The following CAMK2A variants were observed in gnomAD, a reference collection of about 807,000 sequenced individuals.
The protein encoded by CAMK2A is calcium/calmodulin-dependent protein kinase type II subunit alpha.
CAMK2A carries 7 observed loss-of-function variants against 79.2 expected under a neutral mutation model. The observed-to-expected ratio is 0.09, with a 90% CI of 0.05 to 0.17. The LOEUF is 0.17. CAMK2A is among the 10% of genes least tolerant of loss of function. CAMK2A has a pLI of 1.00. For missense variants in CAMK2A, 214 were observed against 646.4 expected (o/e 0.33, Z 7.25); for synonymous variants, 242 against 251.7 (o/e 0.96, Z 0.36).
chr5:150,286,663 G>A (rs1444221103), intron 1 of CAMK2A, among the ~76,000 whole-genome samples: 1 of 152,232 alleles, frequency 6.6e-6, no homozygotes, highest in Non-Finnish European at 1.5e-5. Flanking sequence ...CAGTGTCCCA[G>A]CTGGCAGGGA....
Position 150,221,708 on chromosome 5 carries a change from GC to G in CAMK2A, c.*1001del, listed in dbSNP as rs1471332697. 1.8e-5 allele frequency: 7 copies of G among 392,036 alleles called. No individual in the cohort carries two copies. Among genetic ancestry groups the G allele is most frequent in the Admixed American group, 4.5e-5 (1 of 22,168 alleles). 24.3% of individuals were successfully genotyped at this position (392,036 alleles called of 1,614,324 possible). On this transcript the variant is annotated 3_prime_UTR_variant, in exon 19 of 19. Transcript: ENST00000671881. ...TCTCCCCGGAGCTGAGTCCACCTTG[GC>G]CCCAATAACCACAGGTGACAAGGTC...
chr5:150,231,448 AT>A, intron 15 of CAMK2A, 68 bp from the exon 16 acceptor site: 1 of 685,532 alleles, frequency 1.5e-6, no homozygotes, highest in Non-Finnish European at 2.1e-6. Context: ...AATAATAGTG[AT>A]GGTAATGAAG....
intron 2 of CAMK2A, among the ~76,000 whole-genome samples, chr5:150,270,212 T>A (rs1756689541): frequency 6.6e-6 from 1 of 152,232 alleles, no homozygotes; most frequent in South Asian, 2.1e-4. Flanking sequence ...AGGATTTTTT[T>A]AATGCAGGGG....
intron 3 of CAMK2A, among the ~76,000 whole-genome samples, chr5:150,263,312 A>T (rs1320940375): frequency 6.6e-6 from 1 of 152,104 alleles, no homozygotes; most frequent in Non-Finnish European, 1.5e-5. Context: ...TTGACCTGAG[A>T]TAGCTGCAGT....
intron 1 of CAMK2A, among the ~76,000 whole-genome samples, chr5:150,285,799 C>T (rs563541543): frequency 1.8e-4 from 28 of 152,296 alleles, no homozygotes; most frequent in African/African-American, 6.5e-4. Flanking sequence ...AGTAAAATCT[C>T]CTTCAGAGAC....
chr5:150,280,343 T>C (rs1386637250), intron 1 of CAMK2A, among the ~76,000 whole-genome samples: 1 of 152,196 alleles, frequency 6.6e-6, no homozygotes, highest in East Asian at 1.9e-4. Context: ...TAGTCTTTAG[T>C]GTCTGCTCTT....
At chr5:150,257,471 A>C in intron 4 of CAMK2A, 92 bp downstream of exon 4, 1 of 1,130,432 alleles carries the variant, frequency 8.8e-7, no homozygotes, top group Non-Finnish European at 1.3e-6. Flanking sequence ...CTGGACCACA[A>C]GAGGGAATTC....
intron 1 of CAMK2A, among the ~76,000 whole-genome samples, chr5:150,279,506 TGGG>T (rs549952985): frequency 7.0e-4 from 107 of 152,320 alleles, no homozygotes; most frequent in African/African-American, 2.5e-3. Flanking sequence ...GCAGAGTCCC[TGGG>T]GTATAGTAAA....
chr5:150,263,161 A>G (rs990238803), intron 3 of CAMK2A, among the ~76,000 whole-genome samples: 4 of 152,178 alleles, frequency 2.6e-5, no homozygotes, highest in African/African-American at 9.7e-5. Flanking sequence ...GTGGAGCTAC[A>G]TGTCCAGGGT....
At chr5:150,235,801 C>A (rs1194037790) in intron 15 of CAMK2A, among the ~76,000 whole-genome samples, 1 of 152,146 alleles carries the variant, frequency 6.6e-6, no homozygotes, top group Non-Finnish European at 1.5e-5. Context: ...CTGTTATTCT[C>A]ACTTAGTAAG....
At chr5:150,289,198 C>T (rs1391253569) in intron 1 of CAMK2A, among the ~76,000 whole-genome samples, 1 of 152,170 alleles carries the variant, frequency 6.6e-6, no homozygotes, top group Non-Finnish European at 1.5e-5. Flanking sequence ...GAAGGAATTC[C>T]AGCTTTGGAC....
chr5:150,250,863 C>T (rs1213530484), intron 9 of CAMK2A, 53 bp from the exon 10 acceptor site: 41 of 1,596,456 alleles, frequency 2.6e-5, no homozygotes, highest in South Asian at 5.6e-5. Flanking sequence ...GCCACCCCTG[C>T]GATCCCCCAG....
At position 150,222,588 on chromosome 5, in the gene CAMK2A, C is replaced by A; in HGVS notation, c.*122G>T. 1 of 1,066,316 alleles carries A rather than the reference C, an allele frequency of 9.4e-7. No individual in the cohort carries two copies. The highest frequency in any genetic ancestry group is 1.4e-6 in the Non-Finnish European group (1 of 692,090). The allele number at this position is 1,066,316 out of a possible 1,614,324, so 66.1% of individuals were successfully genotyped here. A position where few individuals can be genotyped will look rare whatever the true frequency, so the allele number is the denominator to read the frequency against. ...TTTCTTGATGCAGGTACAGAAGTGACGGTGGTGGGGTGATGACATGGGAGA... is the reference window on the plus strand; with the variant it reads ...TTTCTTGATGCAGGTACAGAAGTGAAGGTGGTGGGGTGATGACATGGGAGA... On this transcript the variant is annotated 3_prime_UTR_variant, in exon 19 of 19. Transcript: ENST00000671881.
intron 1 of CAMK2A, among the ~76,000 whole-genome samples, chr5:150,276,117 C>T (rs1469151457): frequency 2.0e-5 from 3 of 152,184 alleles, no homozygotes; most frequent in African/African-American, 7.2e-5. Context: ...AATATTAGAA[C>T]AAAAGATGCT....
At chr5:150,224,216 G>T (rs1754486898) in intron 17 of CAMK2A, among the ~76,000 whole-genome samples, 1 of 152,174 alleles carries the variant, frequency 6.6e-6, no homozygotes, top group Admixed American at 6.5e-5. Context: ...GGAAATGAAA[G>T]CATAGAAAGA....
At chr5:150,287,128 C>T (rs560871067) in intron 1 of CAMK2A, among the ~76,000 whole-genome samples, 1 of 152,306 alleles carries the variant, frequency 6.6e-6, no homozygotes, top group African/African-American at 2.4e-5. Context: ...AGAGCAGGAG[C>T]CCCAGGCTCC....
At chr5:150,249,038 G>A (rs1755709121) in intron 11 of CAMK2A, among the ~76,000 whole-genome samples, 1 of 152,200 alleles carries the variant, frequency 6.6e-6, no homozygotes, top group Non-Finnish European at 1.5e-5. Context: ...CTGCAGGATG[G>A]GGATGGGACT....
In CAMK2A at chr5:150,221,153, G is replaced by C; in HGVS notation, c.*1557C>G. ...TTTTTAGTCCAAAACATGTAGATTG[G>C]TTTTGTTGAGTGTTTTCTTCTTTTT... On this transcript the variant is annotated 3_prime_UTR_variant, in exon 19 of 19. Coordinates refer to ENST00000671881, the MANE Select transcript of CAMK2A (RefSeq NM_015981.4). The C allele has an allele frequency of 1.3e-5, 4 of 306,982 alleles. No individual in the cohort carries two copies. The highest frequency in any genetic ancestry group is 2.4e-5 in the Non-Finnish European group (4 of 169,076). 19.0% of individuals were successfully genotyped at this position (306,982 alleles called of 1,614,324 possible).
intron 6 of CAMK2A, among the ~76,000 whole-genome samples, chr5:150,254,160 A>G (rs903793994): frequency 2.0e-5 from 3 of 152,050 alleles, no homozygotes; most frequent in African/African-American, 7.3e-5. Context: ...AGTTTACTCT[A>G]TCTAGAGGGG....
Sources: gnomAD v4.1 joint callset for allele counts (sites outside exome capture counted in the v4.1 genomes callset) on GRCh38, gnomAD v4.1.1 for gene constraint, MANE v1.5 for transcripts, NCBI Gene and HGNC (gene_info 2026-07-23, HGNC 2026-07-21) for gene names.